CNDP2: variants seen among roughly 807,000 people sequenced by gnomAD.
CNDP2 encodes the protein cytosolic non-specific dipeptidase.
In CNDP2, 38 loss-of-function variants were observed where a neutral mutation model predicts 55.0. The ratio of observed to expected loss-of-function variants is 0.69; its 90% confidence interval spans 0.53 to 0.90. The LOEUF (loss-of-function observed/expected upper bound fraction) is 0.90. CNDP2 is among the 40% of genes least tolerant of loss of function. CNDP2 has a pLI of 0.00. For missense variants in CNDP2, 607 were observed against 621.7 expected (o/e 0.98, Z 0.25); for synonymous variants, 241 against 260.2 (o/e 0.93, Z 0.71).
chr18:74,506,226 C>T (rs906980045), intron 4 of CNDP2, among the ~76,000 whole-genome samples: 9 of 152,134 alleles, frequency 5.9e-5, no homozygotes, highest in African/African-American at 1.7e-4. Flanking sequence ...CTCCGCCTCC[C>T]GGGGTTCAAG....
At chr18:74,519,137 C>T in intron 11 of CNDP2, 41 bp downstream of exon 11, 2 of 1,563,506 alleles carry the variant, frequency 1.3e-6, no homozygotes, top group Non-Finnish European at 1.7e-6. Flanking sequence ...GTCTCCTGCA[C>T]AGCGTCCCTC....
rs1978597871 is a variant in CNDP2, at chr18:74,499,906, A to T, written c.-68A>T. The T allele has an allele frequency of 1.6e-5, 23 of 1,444,306 alleles. No homozygotes were observed. The highest frequency in any genetic ancestry group is 2.1e-5 in the Non-Finnish European group (22 of 1,028,560). The allele number at this position is 1,444,306 out of a possible 1,614,324, so 89.5% of individuals were successfully genotyped here. On this transcript the variant is annotated 5_prime_UTR_variant, in exon 2 of 12. Coordinates refer to ENST00000324262, the MANE Select transcript of CNDP2 (RefSeq NM_018235.3). ...GGTCGCCCCTCAGTCTCCACTAGAGACAGGACTGACCAGTTGCTCTTCCTT... is the reference window on the plus strand; with the variant it reads ...GGTCGCCCCTCAGTCTCCACTAGAGTCAGGACTGACCAGTTGCTCTTCCTT...
intron 6 of CNDP2, 85 bp from the exon 7 acceptor site, chr18:74,512,363 A>G (rs1242785079): frequency 1.6e-6 from 2 of 1,268,718 alleles, no homozygotes; most frequent in Non-Finnish European, 2.2e-6. Context: ...AGGCCTTGTA[A>G]ATGCTCTTTG....
chr18:74,518,669 G>T, intron 10 of CNDP2, 29 bp downstream of exon 10: 1 of 1,613,380 alleles, frequency 6.2e-7, no homozygotes, highest in Non-Finnish European at 8.5e-7. Context: ...GGATGATGCC[G>T]CGCAGGGCCC....
intron 4 of CNDP2, chr18:74,506,980 A>G (rs1439040927): frequency 6.6e-6 from 1 of 152,244 alleles, no homozygotes; most frequent in Admixed American, 6.5e-5. Flanking sequence ...CAACTGGATC[A>G]TTGCATCTGT....
chr18:74,501,137 C>G, intron 2 of CNDP2, 192 bp from the exon 3 acceptor site: 124 of 1,179,302 alleles, frequency 1.1e-4, no homozygotes, highest in Non-Finnish European at 1.2e-4. Flanking sequence ...GGGTCTCTCT[C>G]TTCCCTCAGT....
intron 3 of CNDP2, among the ~76,000 whole-genome samples, chr18:74,502,981 CT>C (rs1464378793): frequency 6.6e-6 from 1 of 151,898 alleles, no homozygotes; most frequent in Non-Finnish European, 1.5e-5. Flanking sequence ...TATATTATAG[CT>C]TCCCACCAAT....
rs945001661 is a variant in CNDP2 at position 74,509,339 on chromosome 18, C to A, written c.456+411C>A. The A allele has an allele frequency of 7.9e-5, 13 of 165,152 alleles. No individual in the cohort carries two copies. The East Asian group carries it at 2.1e-3, about 27-fold the overall frequency. 10.2% of individuals were successfully genotyped at this position (165,152 alleles called of 1,614,324 possible). On this transcript the variant is annotated intron_variant, in intron 5 of 11. Coordinates refer to ENST00000324262, the MANE Select transcript of CNDP2 (RefSeq NM_018235.3). ...TAAATTCTGATTTTTAAAATGTATT[C>A]TCTGGCTGGGTGCAGTGGCTCACAC...
chr18:74,511,381 C>T (rs1458887555), intron 6 of CNDP2: 2 of 214,652 alleles, frequency 9.3e-6, no homozygotes, highest in Non-Finnish European at 1.9e-5. Context: ...CACTTAGGCT[C>T]CTTATCCCAT....
intron 3 of CNDP2, among the ~76,000 whole-genome samples, chr18:74,504,288 G>A (rs139329244): frequency 9.2e-4 from 137 of 148,294 alleles, no homozygotes; most frequent in Admixed American, 5.4e-3. Flanking sequence ...CACTGCACAC[G>A]CAGCCACACT....
chr18:74,509,226 G>C (rs1979205734), intron 5 of CNDP2: 1 of 382,892 alleles, frequency 2.6e-6, no homozygotes, highest in Non-Finnish European at 4.9e-6. Flanking sequence ...GTCTCTGTGA[G>C]TGTGGTCCCT....
chr18:74,520,552 A>C lies in CNDP2; in HGVS notation c.*484A>C, dbSNP rs1196380083. 1 of 161,848 alleles carries C rather than the reference A, an allele frequency of 6.2e-6. No individual in the cohort carries two copies. Among genetic ancestry groups the C allele is most frequent in the Non-Finnish European group, 1.3e-5 (1 of 74,642 alleles). The allele number at this position is 161,848 out of a possible 1,614,324, so 10.0% of individuals were successfully genotyped here. On this transcript the variant is annotated 3_prime_UTR_variant, in exon 12 of 12. Transcript: ENST00000324262. ...ATGCCTGTAGTCCCAGCCACTCAGAAGGCTGAGGCAGGAGGATCGCTTGAG... is the reference window on the plus strand; with the variant it reads ...ATGCCTGTAGTCCCAGCCACTCAGACGGCTGAGGCAGGAGGATCGCTTGAG...
At position 74,501,457 on chromosome 18, in the gene CNDP2, T is replaced by A. The variant is rs1978694451; in HGVS notation, c.189T>A (p.Asp63Glu). Residue 63 changes from aspartate (D) to glutamate (E), a missense_variant, in exon 3 of 12, where the codon GAT (aspartate) becomes GAA (glutamate). Physicochemically the swap from Asp to Glu is conservative, Grantham distance 45. Transcript: ENST00000324262. ...KQLGGSVELV[D>E]IGKQKLPDGS... ...TGGGGGGCTCTGTGGAACTGGTGGA[T>A]ATCGGAAAACAAAAGGTAGGAGGCA... 1 of 1,613,572 alleles carries A rather than the reference T, an allele frequency of 6.2e-7. No individual in the cohort carries two copies. The highest frequency in any genetic ancestry group is 2.2e-5 in the East Asian group (1 of 44,850).
chr18:74,501,597 AGG>A (rs1978703738), intron 3 of CNDP2, 125 bp downstream of exon 3: 1 of 1,256,896 alleles, frequency 8.0e-7, no homozygotes, highest in African/African-American at 1.5e-5. Context: ...AAAACAAAAA[AGG>A]AAGGGCCTGA....
chr18:74,518,240 C>G (rs1051307078), intron 9 of CNDP2: 1 of 290,270 alleles, frequency 3.4e-6, no homozygotes, highest in Admixed American at 4.6e-5. Flanking sequence ...CCAGCCTGGA[C>G]AACAGAGCGA....
intron 3 of CNDP2, among the ~76,000 whole-genome samples, chr18:74,502,324 A>G (rs1978750112): frequency 6.6e-6 from 1 of 152,234 alleles, no homozygotes; most frequent in Non-Finnish European, 1.5e-5. Flanking sequence ...TAGAAACTGC[A>G]ACTTTAAGCA....
At chr18:74,499,089 C>T (rs1475701994) in intron 1 of CNDP2, among the ~76,000 whole-genome samples, 2 of 152,162 alleles carry the variant, frequency 1.3e-5, no homozygotes, top group East Asian at 1.9e-4. Context: ...CATGTAGACA[C>T]GAGGCTGTAG....
intron 1 of CNDP2, chr18:74,499,451 G>A (rs528483074): frequency 6.5e-6 from 1 of 153,140 alleles, no homozygotes; most frequent in South Asian, 2.0e-4. Flanking sequence ...ACTGAATCTG[G>A]TTTTCCTTGG....
chr18:74,518,586 GTC>G lies in CNDP2; in HGVS notation c.1159_1160del (p.Ser387ArgfsTer21). The G allele has an allele frequency of 1.2e-6, 2 of 1,614,176 alleles. No individual in the cohort carries two copies. The highest frequency in any genetic ancestry group is 1.7e-6 in the Non-Finnish European group (2 of 1,180,040). On this transcript the variant is annotated frameshift_variant, in exon 10 of 12. Transcript: ENST00000324262. LOFTEE classifies it high-confidence loss of function. The part of the protein sequence containing the change: ...VYMGHGGKPW[V>X]SDFSHPHYLA... ...CATGGGCCACGGTGGGAAGCCCTGG[GTC>G]TCCGACTTCAGTCACCCTCATTACC...
Sources: allele counts gnomAD v4.1 joint callset (sites outside exome capture counted in the v4.1 genomes callset), GRCh38; gene constraint gnomAD v4.1.1; transcripts MANE v1.5; gene names NCBI Gene and HGNC (gene_info 2026-07-23, HGNC 2026-07-21).